The following GJA8 variants were observed in gnomAD, a reference collection of about 807,000 sequenced individuals.
The protein encoded by GJA8 is gap junction protein alpha 8.
Under a neutral mutation model 15.3 loss-of-function variants are expected in GJA8, and 13 were observed. That is an observed-to-expected ratio of 0.85 (90% CI 0.55 to 1.35). The LOEUF (loss-of-function observed/expected upper bound fraction) is 1.35, where lower values mean the gene tolerates loss of function less well. GJA8 is among the 40% of genes most tolerant of loss of function. The pLI is 0.00. For missense variants in GJA8, 607 were observed against 553.3 expected (o/e 1.10, Z -0.97); for synonymous variants, 304 against 238.7 (o/e 1.27, Z -2.52).
At chr1:147,907,186 C>T (rs1283850675) in intron 1 of GJA8, among the ~76,000 whole-genome samples, 1 of 152,144 alleles carries the variant, frequency 6.6e-6, no homozygotes, top group Non-Finnish European at 1.5e-5. Flanking sequence ...TGTGCCTGGC[C>T]TTCAGTTTTC....
Position 147,908,711 on chromosome 1 carries a change from C to T in GJA8, c.756C>T (p.Leu252=), listed in dbSNP as rs371651011. ...TGGGGGAGATTCCTGAGAAATCCCT[C>T]CACTCCATTGCTGTCTCCTCCATCC... is the stretch of plus-strand genomic sequence containing the variant. ...QPLGEIPEKS[L]HSIAVSSIQK... is the part of the protein sequence containing the mutation. The change falls in exon 2 of 2, where the codon CTC becomes CTT. Residue 252 remains leucine, a synonymous_variant. Coordinates refer to ENST00000369235, the MANE Select transcript of GJA8 (RefSeq NM_005267.5). 6.2e-6 allele frequency: 10 copies of T among 1,614,008 alleles called. No homozygotes were observed. The highest frequency in any genetic ancestry group is 1.7e-5 in the Admixed American group (1 of 60,004).
rs191413352 is a variant in GJA8, at chr1:147,905,349, G to A, written c.-12+2488G>A. ...CCCTCCAAAACCTTTTGATACTAAA[G>A]GGGGGAAAACAAGATTGGTTAACAT... On this transcript the variant is annotated intron_variant, in intron 1 of 1. Coordinates refer to ENST00000369235, the MANE Select transcript of GJA8 (RefSeq NM_005267.5). 2.6e-3 allele frequency among the ~76,000 whole-genome samples: 393 copies of A among 152,208 alleles called. 3 individuals carry two copies. The highest frequency in any genetic ancestry group is 2.8e-3 in the Non-Finnish European group (187 of 67,956).
intron 1 of GJA8, among the ~76,000 whole-genome samples, chr1:147,904,387 T>C (rs1292606948): frequency 6.6e-6 from 1 of 152,144 alleles, no homozygotes; most frequent in South Asian, 2.1e-4. Context: ...TGAAATAAGA[T>C]ACGTGAAAAT....
At chr1:147,913,137 A>G (rs144924059), downstream of GJA8, among the ~76,000 whole-genome samples, 19 of 152,216 alleles carry the variant, frequency 1.2e-4, no homozygotes, top group East Asian at 2.3e-3. Flanking sequence ...AATTTTCTCT[A>G]TGTTAGTTGA....
rs782415390 is a variant in GJA8 at position 147,908,635 on chromosome 1, T to C, written c.680T>C (p.Leu227Pro). The change falls in exon 2 of 2, where the codon CTG (leucine) becomes CCG (proline). Residue 227 changes from leucine to proline, a missense_variant. Coordinates refer to ENST00000369235, the MANE Select transcript of GJA8 (RefSeq NM_005267.5). The part of the protein sequence containing the change: ...LFLNVMELGH[L>P]GLKGIRSALK... Reference sequence around the variant, plus strand: ...CTCAACGTGATGGAGTTGGGCCACCTGGGCCTGAAGGGGATCCGGTCTGCC... The same window carrying C: ...CTCAACGTGATGGAGTTGGGCCACCCGGGCCTGAAGGGGATCCGGTCTGCC... The C allele has an allele frequency of 4.3e-6, 7 of 1,614,096 alleles. No individual in the cohort carries two copies. The highest frequency in any genetic ancestry group is 5.9e-6 in the Non-Finnish European group (7 of 1,179,990).
Position 147,908,081 on chromosome 1 carries a change from G to A in GJA8, c.126G>A (p.Glu42=), listed in dbSNP as rs1553242547. The A allele has an allele frequency of 6.2e-7, 1 of 1,614,180 alleles. No homozygotes were observed. Among genetic ancestry groups the A allele is most frequent in the Admixed American group, 1.7e-5 (1 of 60,026 alleles). ...TCCTCATCCTTGGCACGGCCGCAGA[G>A]TTCGTGTGGGGGGATGAGCAATCCG... ...FRILILGTAA[E]FVWGDEQSDF... is the part of the protein sequence containing the mutation. The change falls in exon 2 of 2, where the codon GAG becomes GAA. Residue 42 remains glutamate (E), a synonymous_variant. Coordinates refer to ENST00000369235, the MANE Select transcript of GJA8 (RefSeq NM_005267.5).
Position 147,908,157 on chromosome 1 carries a change from G to T in GJA8, c.202G>T (p.Glu68Ter), listed in dbSNP as rs1476142873. 6.2e-7 allele frequency: 1 copy of T among 1,614,090 alleles called. No homozygotes were observed. Among genetic ancestry groups the T allele is most frequent in the Non-Finnish European group, 8.5e-7 (1 of 1,180,036 alleles). Residue 68 changes from glutamate (E) to a stop codon, truncating the protein, a stop_gained, in exon 2 of 2, where the codon GAG (glutamate) becomes TAG (stop). Coordinates refer to ENST00000369235, the MANE Select transcript of GJA8 (RefSeq NM_005267.5). LOFTEE classifies it high-confidence loss of function. ...TGGCTGCGAGAACGTCTGCTACGAC[G>T]AGGCCTTTCCCATCTCCCACATTCG... ...QPGCENVCYD[E>*]AFPISHIRLW...
At chr1:147,913,124 G>C (rs1239367800), downstream of GJA8, among the ~76,000 whole-genome samples, 1 of 152,072 alleles carries the variant, frequency 6.6e-6, no homozygotes, top group Non-Finnish European at 1.5e-5. Flanking sequence ...TGCTCTATGA[G>C]ACAATTTTCT....
At chr1:147,907,563 G>A (rs1255713970) in intron 1 of GJA8, among the ~76,000 whole-genome samples, 2 of 152,178 alleles carry the variant, frequency 1.3e-5, no homozygotes, top group African/African-American at 4.8e-5. Context: ...ACTTAGATCA[G>A]TGTGTGGTCT....
chr1:147,909,878 T>C (rs1448060395), downstream of GJA8, among the ~76,000 whole-genome samples: 1 of 152,166 alleles, frequency 6.6e-6, no homozygotes, highest in South Asian at 2.1e-4. Flanking sequence ...TCCAACCTTT[T>C]TTTTAGACAG....
Position 147,909,206 on chromosome 1 carries a change from C to T in GJA8, c.1251C>T (p.Ser417=), listed in dbSNP as rs1553243057. 1.3e-6 allele frequency: 2 copies of T among 1,583,394 alleles called. No individual in the cohort carries two copies. Among genetic ancestry groups the T allele is most frequent in the South Asian group, 2.2e-5 (2 of 90,588 alleles). The change falls in exon 2 of 2, where the codon AGC becomes AGT. Residue 417 remains serine (S), a synonymous_variant. Transcript: ENST00000369235. ...CAACAGATGATGCCAGACCCCTGAG[C>T]AGGCTAAGCAAAGCCAGCAGCCGAG... ...ELTTDDARPL[S]RLSKASSRAR...
downstream of GJA8, among the ~76,000 whole-genome samples, chr1:147,911,472 T>G (rs1302728707): frequency 6.6e-6 from 1 of 152,148 alleles, no homozygotes; most frequent in African/African-American, 2.4e-5. Context: ...CTAAAATATA[T>G]TTTTACCTAG....
intron 1 of GJA8, among the ~76,000 whole-genome samples, 35 bp downstream of exon 1, chr1:147,902,896 T>C (rs1299224554): frequency 6.6e-6 from 1 of 152,206 alleles, no homozygotes; most frequent in African/African-American, 2.4e-5. Flanking sequence ...GTTTGTAACC[T>C]TCCCCCCAAT....
At chr1:147,911,645 G>A (rs148991201), downstream of GJA8, among the ~76,000 whole-genome samples, 1 of 152,240 alleles carries the variant, frequency 6.6e-6, no homozygotes, top group Non-Finnish European at 1.5e-5. Flanking sequence ...AACACAATCC[G>A]AGGCCTGAGA....
At chr1:147,911,963 T>C (rs1652179411), downstream of GJA8, among the ~76,000 whole-genome samples, 1 of 151,836 alleles carries the variant, frequency 6.6e-6, no homozygotes. Flanking sequence ...GTACCCACAC[T>C]GTCCCCACAT....
chr1:147,903,919 A>G (rs587604902), intron 1 of GJA8, among the ~76,000 whole-genome samples: 4 of 143,616 alleles, frequency 2.8e-5, no homozygotes, highest in Non-Finnish European at 6.0e-5. Flanking sequence ...AGTTGTAGTT[A>G]GTAATTTAAT....
downstream of GJA8, among the ~76,000 whole-genome samples, chr1:147,911,265 A>G (rs1256133903): frequency 1.3e-5 from 2 of 152,112 alleles, no homozygotes; most frequent in Non-Finnish European, 2.9e-5. Flanking sequence ...TCTGGTTACC[A>G]CCTTCCTTTT....
intron 1 of GJA8, among the ~76,000 whole-genome samples, 150 bp from the exon 2 acceptor site, chr1:147,907,795 T>A (rs1187598647): frequency 6.6e-6 from 1 of 152,200 alleles, no homozygotes; most frequent in African/African-American, 2.4e-5. Context: ...AGTCCTAGTC[T>A]GCACAAAGGA....
chr1:147,908,409 A>C lies in GJA8; in HGVS notation c.454A>C (p.Ile152Leu). 1 of 1,614,144 alleles carries C rather than the reference A, an allele frequency of 6.2e-7. No individual in the cohort carries two copies. Among genetic ancestry groups the C allele is most frequent in the Non-Finnish European group, 8.5e-7 (1 of 1,180,000 alleles). The change falls in exon 2 of 2, where the codon ATC becomes CTC. Residue 152 changes from isoleucine (I) to leucine (L), a missense_variant. Coordinates refer to ENST00000369235, the MANE Select transcript of GJA8 (RefSeq NM_005267.5). ...RLEGTLLRTY[I>L]CHIIFKTLFE... is the part of the protein sequence containing the mutation. ...GGAGGGGACCCTGCTGAGGACCTAC[A>C]TCTGCCACATCATCTTCAAGACCCT...
Sources: allele counts gnomAD v4.1 joint callset (sites outside exome capture counted in the v4.1 genomes callset), GRCh38; gene constraint gnomAD v4.1.1; transcripts MANE v1.5; gene names NCBI Gene and HGNC (gene_info 2026-07-23, HGNC 2026-07-21).